PTGR1: variants seen among roughly 807,000 people sequenced by gnomAD.
PTGR1 encodes prostaglandin reductase 1.
In PTGR1, 23 loss-of-function variants were observed where a neutral mutation model predicts 37.7. That is an observed-to-expected ratio of 0.61 (90% confidence interval 0.44 to 0.86). PTGR1 has a LOEUF of 0.86. Ranked by LOEUF, PTGR1 falls within the 40% of genes least tolerant of loss-of-function variation. PTGR1 has a pLI of 0.00. For missense variants in PTGR1, 351 were observed against 394.3 expected, an observed-to-expected ratio of 0.89 and a Z score of 0.93; for synonymous variants, 134 against 140.0, an observed-to-expected ratio of 0.96 and a Z score of 0.30.
intron 5 of PTGR1, 43 bp downstream of exon 5, chr9:111,585,955 G>A: frequency 6.2e-7 from 1 of 1,605,134 alleles, no homozygotes; most frequent in Non-Finnish European, 8.5e-7. Context: ...GAAAATCAGA[G>A]TGTCAGACAT....
At chr9:111,557,039 G>A (rs76404391) in intron 9 of PTGR1, among the ~76,000 whole-genome samples, 1 of 152,176 alleles carries the variant, frequency 6.6e-6, no homozygotes, top group Non-Finnish European at 1.5e-5. Context: ...TGATGGAAAG[G>A]GCTGCCGCGA....
chr9:111,587,188 G>C (rs1176917530), intron 4 of PTGR1, among the ~76,000 whole-genome samples: 1 of 152,002 alleles, frequency 6.6e-6, no homozygotes, highest in Non-Finnish European at 1.5e-5. Flanking sequence ...ACTGATCTCT[G>C]CTGGCTTTTT....
At chr9:111,578,394 G>A (rs950345928) in intron 7 of PTGR1, among the ~76,000 whole-genome samples, 3 of 152,130 alleles carry the variant, frequency 2.0e-5, no homozygotes, top group Non-Finnish European at 4.4e-5. Flanking sequence ...CAGTGGGTGA[G>A]TTTTCCTGCA....
At position 111,578,807 on chromosome 9, in the gene PTGR1, A is replaced by G. The variant is rs771917255; in HGVS notation, c.640T>C (p.Tyr214His). 2 of 1,601,758 alleles carry G rather than the reference A, an allele frequency of 1.2e-6. No individual in the cohort carries two copies. Among genetic ancestry groups the G allele is most frequent in the Non-Finnish European group, 1.7e-6 (2 of 1,176,180 alleles). ...CAGTTTGTACTTACATTATCAAAATAACAATCATAACCATCAGGAGACGCT... is the reference window on the plus strand; with the variant it reads ...CAGTTTGTACTTACATTATCAAAATGACAATCATAACCATCAGGAGACGCT... ...KKASPDGYDCYFDNVGGEFSN... is the reference protein window; with the variant it reads ...KKASPDGYDCHFDNVGGEFSN... Residue 214 changes from tyrosine to histidine, a missense_variant, in exon 7 of 10, where the codon TAT becomes CAT. Transcript: ENST00000407693.
In PTGR1 at chr9:111,585,981, A is replaced by G. The variant is rs765893854; in HGVS notation, c.377+17T>C. 3 of 1,613,530 alleles carry G rather than the reference A, an allele frequency of 1.9e-6. No individual in the cohort carries two copies. Among genetic ancestry groups the G allele is most frequent in the Non-Finnish European group, 2.5e-6 (3 of 1,179,578 alleles). On this transcript the variant is annotated intron_variant, in intron 5 of 9. Transcript: ENST00000407693. ...TGTCAGACATTCAAACAAATGGAATATATCCATGAAACTCACCCTGGCATG... is the reference window on the plus strand; with the variant it reads ...TGTCAGACATTCAAACAAATGGAATGTATCCATGAAACTCACCCTGGCATG...
intron 9 of PTGR1, among the ~76,000 whole-genome samples, chr9:111,556,495 C>G (rs1388040329): frequency 6.6e-6 from 1 of 152,266 alleles, no homozygotes; most frequent in Non-Finnish European, 1.5e-5. Flanking sequence ...CTGCAGCAGA[C>G]TTCTGCCTTG....
Position 111,568,771 on chromosome 9 carries a change from A to G in PTGR1, c.879+1320T>C, listed in dbSNP as rs551906220. ...TTTCTCTTTATTTCTCAGCCAGCCA[A>G]CACTTATGAAAAATAGAAAGAACCT... On this transcript the variant is annotated intron_variant, in intron 9 of 9. Coordinates refer to ENST00000407693, the MANE Select transcript of PTGR1 (RefSeq NM_001146108.2). 2.6e-5 allele frequency among the ~76,000 whole-genome samples: 4 copies of G among 152,302 alleles called. No individual in the cohort carries two copies. The East Asian group carries it at 7.7e-4, about 29-fold the overall frequency.
At chr9:111,551,397 TTTG>T (rs1240810903) in intron 9 of PTGR1, among the ~76,000 whole-genome samples, 10 of 132,286 alleles carry the variant, frequency 7.6e-5, no homozygotes, top group African/African-American at 2.4e-4. Flanking sequence ...GTATCCAGTT[TTTG>T]TTTTTTTTTT....
At chr9:111,580,995 G>A (rs1829266003) in intron 6 of PTGR1, among the ~76,000 whole-genome samples, 1 of 152,158 alleles carries the variant, frequency 6.6e-6, no homozygotes, top group Non-Finnish European at 1.5e-5. Context: ...TTTCTACAGG[G>A]AAGAGAAGAT....
chr9:111,576,345 C>A (rs767469262), intron 7 of PTGR1: 46 of 1,613,596 alleles, frequency 2.9e-5, no homozygotes, highest in Non-Finnish European at 3.6e-5. Flanking sequence ...ACTCACTAAG[C>A]TTTCCCTGGT....
chr9:111,595,330 T>G (rs145665368), intron 2 of PTGR1, among the ~76,000 whole-genome samples: 11 of 152,356 alleles, frequency 7.2e-5, no homozygotes, highest in Non-Finnish European at 1.5e-4. Flanking sequence ...TTTACACGAA[T>G]TATGTCATTT....
chr9:111,582,816 T>C (rs1173327605), intron 6 of PTGR1, among the ~76,000 whole-genome samples: 2 of 152,212 alleles, frequency 1.3e-5, no homozygotes, highest in Non-Finnish European at 2.9e-5. Context: ...ATCTAACTTG[T>C]CCCCTAGGAC....
chr9:111,570,095 A>C lies in PTGR1; in HGVS notation c.875T>G (p.Leu292Ter). ...GGTGGCTCCGGAGCTCCTTACCTCT[A>C]AGACCCATTTCAGCAAGTCCTTCAG... ...KALKDLLKWV[L>*]EGKIQYKEYI... The change falls in exon 9 of 10, where the codon TTA becomes TGA. Residue 292 changes from leucine (L) to a stop codon, truncating the protein, a stop_gained. Coordinates refer to ENST00000407693, the MANE Select transcript of PTGR1 (RefSeq NM_001146108.2). LOFTEE classifies it high-confidence loss of function. 6.2e-7 allele frequency: 1 copy of C among 1,614,106 alleles called. No individual in the cohort carries two copies. Among genetic ancestry groups the C allele is most frequent in the South Asian group, 1.1e-5 (1 of 91,068 alleles).
chr9:111,585,122 G>C (rs1303961394), intron 5 of PTGR1, among the ~76,000 whole-genome samples: 1 of 152,022 alleles, frequency 6.6e-6, no homozygotes, highest in Non-Finnish European at 1.5e-5. Flanking sequence ...TGGGGCCCAT[G>C]AGAGGCTGGC....
At chr9:111,592,841 T>G (rs956261026) in intron 4 of PTGR1, 85 bp downstream of exon 4, 13 of 1,526,080 alleles carry the variant, frequency 8.5e-6, no homozygotes, top group Non-Finnish European at 1.1e-5. Flanking sequence ...GAAGAAATTG[T>G]AGGAGCAATG....
intron 5 of PTGR1, among the ~76,000 whole-genome samples, chr9:111,585,438 G>T (rs895830846): frequency 6.6e-6 from 1 of 152,148 alleles, no homozygotes; most frequent in African/African-American, 2.4e-5. Context: ...GGGCAGGCAG[G>T]AAAGAATAAG....
At chr9:111,555,766 C>G (rs1828104731) in intron 9 of PTGR1, among the ~76,000 whole-genome samples, 1 of 152,184 alleles carries the variant, frequency 6.6e-6, no homozygotes, top group Non-Finnish European at 1.5e-5. Flanking sequence ...CCACCATGAT[C>G]CCATCACCTC....
At position 111,574,772 on chromosome 9, in the gene PTGR1, G is replaced by A. The variant is rs1441695959; in HGVS notation, c.722C>T (p.Ala241Val). ...KKFGRIAICG[A>V]ISTYNRTGPL... ...GCCGGTTCTGTTATATGTAGAGATG[G>A]CTCCACATATGGCAATCCTTCCAAA... Residue 241 changes from alanine (A) to valine (V), a missense_variant, in exon 8 of 10, where the codon GCC becomes GTC. Coordinates refer to ENST00000407693, the MANE Select transcript of PTGR1 (RefSeq NM_001146108.2). 6.2e-7 allele frequency: 1 copy of A among 1,613,766 alleles called. No homozygotes were observed. The highest frequency in any genetic ancestry group is 1.7e-5 in the Admixed American group (1 of 59,950).
At chr9:111,594,851 C>CTTTTT (rs35698448) in intron 2 of PTGR1, among the ~76,000 whole-genome samples, 9 of 95,700 alleles carry the variant, frequency 9.4e-5, no homozygotes, top group South Asian at 4.1e-4. Flanking sequence ...CGACCGGCCT[C>CTTTTT]TTTTTTTTTT....
Sources: gnomAD v4.1 joint callset for allele counts (sites outside exome capture counted in the v4.1 genomes callset) on GRCh38, gnomAD v4.1.1 for gene constraint, MANE v1.5 for transcripts, NCBI Gene and HGNC (gene_info 2026-07-23, HGNC 2026-07-21) for gene names.